The following PCDHGB3 variants were observed in gnomAD, a reference collection of about 807,000 sequenced individuals.
PCDHGB3 encodes protocadherin gamma subfamily B, 3.
A neutral mutation model predicts 59.2 loss-of-function variants in PCDHGB3; 40 were observed. The ratio of observed to expected loss-of-function variants is 0.68; its 90% confidence interval spans 0.52 to 0.88. The LOEUF (loss-of-function observed/expected upper bound fraction) is 0.88. PCDHGB3 is among the 40% of genes least tolerant of loss of function. The probability of loss-of-function intolerance (pLI) is 0.00; values close to 1 mark genes in which losing one functional copy is unlikely to be tolerated. For synonymous variants in PCDHGB3, 581 were observed against 503.6 expected (o/e 1.15, Z -2.06); for missense variants, 1,309 against 1,187.9 (o/e 1.10, Z -1.50).
Position 141,476,116 on chromosome 5 carries a change from G to C in PCDHGB3, c.2416-18691G>C, listed in dbSNP as rs367958555. On this transcript the variant is annotated intron_variant, in intron 1 of 3. Transcript: ENST00000576222. The surrounding 1 kb of genome is among the most constrained non-coding windows in gnomAD (Gnocchi z 7.6). ...GCTGAGAGGAACTGCTTTTGAGTGA[G>C]ATGGTCCCAGAGGCCTGGAGGAGCG... 504 of 1,593,954 alleles carry C rather than the reference G, an allele frequency of 3.2e-4. No individual in the cohort carries two copies. Among genetic ancestry groups the C allele is most frequent in the Non-Finnish European group, 4.1e-4 (479 of 1,172,292 alleles).
chr5:141,479,733 A>G (rs2099504879), intron 1 of PCDHGB3: 1 of 152,254 alleles, frequency 6.6e-6, no homozygotes, highest in Admixed American at 6.5e-5. Context: ...TTTCTTAAGT[A>G]TATGCACAAT....
At chr5:141,374,037 C>G (rs1770042713) in intron 1 of PCDHGB3, 8 of 1,446,082 alleles carry the variant, frequency 5.5e-6, no homozygotes, top group Non-Finnish European at 7.3e-6. Context: ...TGATGCAGAT[C>G]TGTTCTTCCT....
intron 1 of PCDHGB3, among the ~76,000 whole-genome samples, chr5:141,445,978 TTATAAA>T (rs551337386): frequency 6.6e-6 from 1 of 152,272 alleles, no homozygotes; most frequent in East Asian, 1.9e-4. Context: ...TTTATGAGGG[TTATAAA>T]TAGAAATAGG....
intron 1 of PCDHGB3, among the ~76,000 whole-genome samples, chr5:141,470,483 G>T (rs1163257164): frequency 6.6e-6 from 1 of 152,112 alleles, no homozygotes; most frequent in African/African-American, 2.4e-5. Context: ...CTAACCCTCT[G>T]GGAATAATAT....
At chr5:141,500,721 ATG>A (rs1209024560) in intron 2 of PCDHGB3, among the ~76,000 whole-genome samples, 1 of 152,088 alleles carries the variant, frequency 6.6e-6, no homozygotes, top group African/African-American at 2.4e-5. Context: ...GAATTTCCCC[ATG>A]TCTTTCAAAA....
At chr5:141,422,318 G>A (rs778935746) in intron 1 of PCDHGB3, 10 of 1,548,110 alleles carry the variant, frequency 6.5e-6, no homozygotes, top group Non-Finnish European at 7.8e-6. Context: ...TCTCCTCCAG[G>A]TACAGTGATT....
In PCDHGB3 at chr5:141,403,493, A is replaced by G. The variant is rs762825635; in HGVS notation, c.2415+30684A>G. The G allele has an allele frequency of 8.7e-6, 14 of 1,613,886 alleles. No homozygotes were observed. The highest frequency in any genetic ancestry group is 5.0e-5 in the Admixed American group (3 of 59,998). Reference sequence around the variant, plus strand: ...CAGCCCCAATCACCACTTCTCCCTGAACGTGCAGACTGGAGACAATGGAGC... The same window carrying G: ...CAGCCCCAATCACCACTTCTCCCTGGACGTGCAGACTGGAGACAATGGAGC... On this transcript the variant is annotated intron_variant, in intron 1 of 3. Coordinates refer to ENST00000576222, the MANE Select transcript of PCDHGB3 (RefSeq NM_018924.5).
chr5:141,449,528 G>C (rs1298713821), intron 1 of PCDHGB3, among the ~76,000 whole-genome samples: 1 of 149,040 alleles, frequency 6.7e-6, no homozygotes, highest in African/African-American at 2.5e-5. Context: ...GGCGGAGGTT[G>C]CAGTGAGCCG....
chr5:141,478,514 G>A, intron 1 of PCDHGB3: 2 of 1,611,534 alleles, frequency 1.2e-6, no homozygotes, highest in Non-Finnish European at 1.7e-6. Context: ...CTATAGGCAG[G>A]TGTTGGGTGC....
At chr5:141,423,237 C>A in intron 1 of PCDHGB3, 1 of 1,613,916 alleles carries the variant, frequency 6.2e-7, no homozygotes, top group Non-Finnish European at 8.5e-7. Context: ...ACAGCATCCC[C>A]GAAGTCCTGG....
Position 141,501,940 on chromosome 5 carries a change from C to T in PCDHGB3, c.2475-3453C>T, listed in dbSNP as rs565207980. Among the ~76,000 whole-genome samples the T allele has an allele frequency of 2.6e-5, 4 of 152,250 alleles. No individual in the cohort carries two copies. In the East Asian group the frequency reaches 7.7e-4, roughly 29 times the overall value. On this transcript the variant is annotated intron_variant, in intron 2 of 3. Transcript: ENST00000576222. ...CAGCTTTGTTCCCTCAACACCACTG[C>T]TCCCTGTGACAGGTCATCCTCCTAA...
intron 1 of PCDHGB3, chr5:141,405,033 T>C (rs753061273): frequency 6.8e-6 from 11 of 1,613,844 alleles, no homozygotes; most frequent in Admixed American, 1.7e-5. Context: ...CTCTACCTCG[T>C]TGTGGCTGTG....
At chr5:141,406,957 G>A (rs184355186) in intron 1 of PCDHGB3, among the ~76,000 whole-genome samples, 69 of 152,242 alleles carry the variant, frequency 4.5e-4, no homozygotes, top group African/African-American at 1.6e-3. Context: ...ACATAGTGTT[G>A]TTTCAAATAG....
chr5:141,453,111 G>A (rs1040339344), intron 1 of PCDHGB3, among the ~76,000 whole-genome samples: 5 of 151,718 alleles, frequency 3.3e-5, no homozygotes, highest in Non-Finnish European at 5.9e-5. Flanking sequence ...TTTTTGTTTT[G>A]TTTTGTTTTG....
At chr5:141,384,210 C>A in intron 1 of PCDHGB3, 1 of 1,613,886 alleles carries the variant, frequency 6.2e-7, no homozygotes, top group Admixed American at 1.7e-5. Flanking sequence ...GGGAAACTCA[C>A]ATATTCATGC....
intron 1 of PCDHGB3, chr5:141,417,855 G>A: frequency 6.5e-7 from 1 of 1,544,918 alleles, no homozygotes. Context: ...GAACCCGAGC[G>A]AACGATGGGA....
chr5:141,467,781 C>T (rs2099151581), intron 1 of PCDHGB3, among the ~76,000 whole-genome samples: 1 of 152,228 alleles, frequency 6.6e-6, no homozygotes, highest in South Asian at 2.1e-4. Context: ...ACCTCAGCCT[C>T]TCAAGTAGCT....
intron 1 of PCDHGB3, chr5:141,388,568 AC>A: frequency 6.2e-7 from 1 of 1,613,888 alleles, no homozygotes; most frequent in East Asian, 2.2e-5. Context: ...CTGCACAGAT[AC>A]ACGTTCTAGT....
chr5:141,433,291 T>A, intron 1 of PCDHGB3: 1 of 1,094,048 alleles, frequency 9.1e-7, no homozygotes, highest in Non-Finnish European at 1.3e-6. Flanking sequence ...ACTCCTAGGC[T>A]CAAGCAATTA....
Sources: allele counts gnomAD v4.1 joint callset (sites outside exome capture counted in the v4.1 genomes callset), GRCh38; gene constraint gnomAD v4.1.1; non-coding constraint Gnocchi (gnomAD v3.1); transcripts MANE v1.5; gene names NCBI Gene and HGNC (gene_info 2026-07-23, HGNC 2026-07-21).